ZFHX3: variants seen among roughly 807,000 people sequenced by gnomAD.
The protein encoded by ZFHX3 is zinc finger homeobox 3.
ZFHX3 carries 42 observed loss-of-function variants against 279.1 expected under a neutral mutation model. That is an observed-to-expected ratio of 0.15 (90% CI 0.12 to 0.19). The LOEUF is 0.19. Ranked by LOEUF, ZFHX3 falls within the 10% of genes least tolerant of loss-of-function variation. The probability of loss-of-function intolerance (pLI) is 1.00; values close to 1 mark genes in which losing one functional copy is unlikely to be tolerated. For synonymous variants in ZFHX3, 2,293 were observed against 1,957.8 expected (o/e 1.17, Z -4.52); for missense variants, 4,981 against 4,754.0 (o/e 1.05, Z -1.40).
Position 72,917,022 on chromosome 16 carries a change from T to C in ZFHX3, c.3217-27060A>G, listed in dbSNP as rs116850724. Among the ~76,000 whole-genome samples the C allele has an allele frequency of 5.4e-3, 818 of 152,244 alleles. 50 individuals carry two copies. The East Asian group carries it at 0.14, about 26-fold the overall frequency. ...GAGAGGCCCAGGCAGGTGGATTGCT[T>C]GAGCCAAGGAGTTCGAGACCAGCCT... On this transcript the variant is annotated intron_variant, in intron 3 of 9. Transcript: ENST00000268489.
chr16:73,116,861 T>C (rs1281165708), intron 7 of ZFHX3, among the ~76,000 whole-genome samples: 1 of 152,174 alleles, frequency 6.6e-6, no homozygotes, highest in African/African-American at 2.4e-5. Flanking sequence ...GAAGATGAGA[T>C]GAGAACACAG....
intron 3 of ZFHX3, among the ~76,000 whole-genome samples, chr16:72,907,483 G>C (rs1465802061): frequency 6.7e-6 from 1 of 148,808 alleles, no homozygotes; most frequent in Non-Finnish European, 1.5e-5. Context: ...CTACTCCCCT[G>C]TACCACCCCT....
intron 3 of ZFHX3, among the ~76,000 whole-genome samples, chr16:73,404,757 C>T (rs570362620): frequency 1.3e-5 from 2 of 152,334 alleles, no homozygotes; most frequent in South Asian, 2.1e-4. Context: ...GCCCAGACCA[C>T]CTGAGTCCAC....
intron 3 of ZFHX3, among the ~76,000 whole-genome samples, chr16:72,890,377 C>A (rs2038741877): frequency 6.6e-6 from 1 of 152,194 alleles, no homozygotes; most frequent in Non-Finnish European, 1.5e-5. Flanking sequence ...GAGGCCTCCC[C>A]ACCCCTGCAG....
chr16:73,169,350 C>G (rs758776850), intron 5 of ZFHX3, among the ~76,000 whole-genome samples: 4 of 152,114 alleles, frequency 2.6e-5, no homozygotes, highest in Non-Finnish European at 4.4e-5. Context: ...TATTATGAAT[C>G]TCTTGTATTA....
chr16:72,966,086 C>T (rs144470890), intron 1 of ZFHX3, among the ~76,000 whole-genome samples: 438 of 152,198 alleles, frequency 2.9e-3, no homozygotes, highest in African/African-American at 9.7e-3. Context: ...TTATTTTAAG[C>T]GTCAACACAG....
At position 73,682,870 on chromosome 16, in the gene ZFHX3, G is replaced by GAAAGA. The variant is rs1555532179; in HGVS notation, c.-1607-2635_-1607-2631dup. On this transcript the variant is annotated intron_variant, in intron 1 of 17. Coordinates refer to the ZFHX3 transcript ENST00000641206. Reference sequence around the variant, plus strand: ...AAAGAAAGAGAAAGAAAGAAAGAAAGAAAGAAAGAAAGAAAGAAAGAAAGA... The same window carrying GAAAGA: ...AAAGAAAGAGAAAGAAAGAAAGAAAGAAAGAAAAGAAAGAAAGAAAGAAAGAAAGA... 9.3e-4 allele frequency among the ~76,000 whole-genome samples: 26 copies of GAAAGA among 27,822 alleles called. 2 individuals carry two copies. The highest frequency in any genetic ancestry group is 2.0e-3 in the Admixed American group (4 of 1,984). 18.3% of individuals were successfully genotyped at this position (27,822 alleles called of 152,430 possible).
chr16:73,342,279 G>T (rs972425228), intron 3 of ZFHX3, among the ~76,000 whole-genome samples: 1 of 152,150 alleles, frequency 6.6e-6, no homozygotes, highest in Non-Finnish European at 1.5e-5. Flanking sequence ...CTACGTATTT[G>T]TACACCTAGT....
At chr16:73,882,404 A>G (rs2030197917) in intron 1 of ZFHX3, among the ~76,000 whole-genome samples, 1 of 152,180 alleles carries the variant, frequency 6.6e-6, no homozygotes, top group Non-Finnish European at 1.5e-5. Context: ...ACTCTAGGAA[A>G]GTGGTACAGA....
At chr16:73,331,787 G>T (rs1187893145) in intron 3 of ZFHX3, among the ~76,000 whole-genome samples, 1 of 152,156 alleles carries the variant, frequency 6.6e-6, no homozygotes, top group Non-Finnish European at 1.5e-5. Flanking sequence ...CAATAGAGGG[G>T]TTGGATTTTA....
At chr16:73,841,611 G>A (rs761833353) in intron 1 of ZFHX3, among the ~76,000 whole-genome samples, 15 of 152,032 alleles carry the variant, frequency 9.9e-5, no homozygotes, top group Non-Finnish European at 1.9e-4. Context: ...CCCAGTGCAC[G>A]GACCACTATC....
chr16:72,846,682 C>T (rs182282047), intron 4 of ZFHX3, among the ~76,000 whole-genome samples: 2 of 152,354 alleles, frequency 1.3e-5, no homozygotes, highest in South Asian at 2.1e-4. Flanking sequence ...AGCTGGTGGC[C>T]CCGGCAGGGA....
At chr16:73,650,040 A>G (rs1054244181) in intron 2 of ZFHX3, among the ~76,000 whole-genome samples, 1 of 152,192 alleles carries the variant, frequency 6.6e-6, no homozygotes, top group Admixed American at 6.5e-5. Flanking sequence ...GAGAAAAATA[A>G]TGGTAACCAT....
intron 3 of ZFHX3, among the ~76,000 whole-genome samples, chr16:73,450,003 A>C (rs1234801919): frequency 1.3e-5 from 2 of 152,228 alleles, no homozygotes; most frequent in South Asian, 2.1e-4. Flanking sequence ...TTTGTCATGC[A>C]TAACCCTATT....
At chr16:73,182,724 T>C (rs1446769510) in intron 5 of ZFHX3, among the ~76,000 whole-genome samples, 3 of 152,234 alleles carry the variant, frequency 2.0e-5, no homozygotes, top group Non-Finnish European at 4.4e-5. Context: ...AATGAAATCA[T>C]GTCTTTTGCA....
At chr16:72,854,706 T>C (rs2037705612) in intron 4 of ZFHX3, among the ~76,000 whole-genome samples, 1 of 151,868 alleles carries the variant, frequency 6.6e-6, no homozygotes, top group East Asian at 1.9e-4. Context: ...ATGAAAAAAG[T>C]GCAATTAAAT....
intron 2 of ZFHX3, chr16:73,499,661 G>A (rs893542033): frequency 6.6e-6 from 1 of 152,194 alleles, no homozygotes; most frequent in African/African-American, 2.4e-5. Flanking sequence ...AGATGTATGA[G>A]GGGATCTTAA....
intron 3 of ZFHX3, among the ~76,000 whole-genome samples, chr16:72,907,545 TTG>T (rs547618913): frequency 0.16 from 18,566 of 119,522 alleles, 1,413 homozygotes; most frequent in Non-Finnish European, 0.19. Flanking sequence ...TTTCCTCTAT[TTG>T]TGTGTGTGTG....
At chr16:73,696,179 T>A (rs972447919) in intron 1 of ZFHX3, among the ~76,000 whole-genome samples, 2 of 152,166 alleles carry the variant, frequency 1.3e-5, no homozygotes, top group African/African-American at 4.8e-5. Flanking sequence ...CTCTGCTAAT[T>A]CAGGTTTGTC....
Sources: gnomAD v4.1 joint callset for allele counts (sites outside exome capture counted in the v4.1 genomes callset) on GRCh38, gnomAD v4.1.1 for gene constraint, MANE v1.5 for transcripts, NCBI Gene and HGNC (gene_info 2026-07-23, HGNC 2026-07-21) for gene names.